Variants in DPP6 observed in about 807,000 individuals in gnomAD.
The protein encoded by DPP6 is A-type potassium channel modulatory protein DPP6.
Under a neutral mutation model 122.6 loss-of-function variants are expected in DPP6, and 69 were observed. The observed-to-expected ratio is 0.56, with a 90% CI of 0.46 to 0.69. The LOEUF (loss-of-function observed/expected upper bound fraction) is 0.69, where lower values mean the gene tolerates loss of function less well. Among genes scored for constraint, DPP6 ranks in the 30% least tolerant of loss-of-function variants. The probability of loss-of-function intolerance (pLI) is 0.00; values close to 1 mark genes in which losing one functional copy is unlikely to be tolerated. For missense variants in DPP6, 928 were observed against 1,116.9 expected, an observed-to-expected ratio of 0.83 and a Z score of 2.41; for synonymous variants, 418 against 433.1, an observed-to-expected ratio of 0.97 and a Z score of 0.43.
chr7:154,550,449 A>G (rs1829542332), intron 4 of DPP6, among the ~76,000 whole-genome samples: 1 of 152,228 alleles, frequency 6.6e-6, no homozygotes, highest in South Asian at 2.1e-4. Context: ...TATCTAGCAG[A>G]GACAAATATA....
intron 16 of DPP6, among the ~76,000 whole-genome samples, chr7:154,811,370 G>A (rs1350805968): frequency 1.3e-5 from 2 of 152,208 alleles, no homozygotes; most frequent in South Asian, 2.1e-4. Flanking sequence ...AGGCATTGGC[G>A]ATGATTGCCT....
chr7:153,942,282 C>T (rs1258058201), intron 1 of DPP6, among the ~76,000 whole-genome samples: 2 of 152,226 alleles, frequency 1.3e-5, no homozygotes, highest in Non-Finnish European at 2.9e-5. Flanking sequence ...TTTGCCTCTC[C>T]TCTCCTTGCG....
chr7:154,292,899 C>T (rs946350453), intron 1 of DPP6, among the ~76,000 whole-genome samples: 1 of 152,176 alleles, frequency 6.6e-6, no homozygotes, highest in South Asian at 2.1e-4. Flanking sequence ...TACCTTCTCT[C>T]TTTTAACACT....
chr7:153,871,609 C>T, the DPP6 span, among the ~76,000 whole-genome samples: 19 of 152,208 alleles, frequency 1.2e-4, no homozygotes, highest in Non-Finnish European at 2.8e-4. Flanking sequence ...CTGGGTGAGG[C>T]GATGCCTTGC....
chr7:154,407,437 T>G (rs1327748373), intron 1 of DPP6, among the ~76,000 whole-genome samples: 1 of 152,190 alleles, frequency 6.6e-6, no homozygotes. Flanking sequence ...AGCCACTGTC[T>G]CACCACAAGA....
Position 154,052,687 on chromosome 7 carries a change from T to TTGCTGCTGCTGC in DPP6, c.-124_-113dup. On this transcript the variant is annotated 5_prime_UTR_variant, in exon 1 of 26. Coordinates refer to ENST00000377770, the MANE Select transcript of DPP6 (RefSeq NM_130797.4). The surrounding 1 kb of genome is among the most constrained non-coding windows in gnomAD (Gnocchi z 4.8). ...AGCGGCCGCCGGCGCTGGGCTTGCC[T>TTGCTGCTGCTGC]TGCTGCTGCTGCTGCTGCTGCCTCC... 1 of 1,168,152 alleles carries TTGCTGCTGCTGC rather than the reference T, an allele frequency of 8.6e-7. No individual in the cohort carries two copies. Among genetic ancestry groups the TTGCTGCTGCTGC allele is most frequent in the South Asian group, 1.8e-5 (1 of 54,114 alleles). 72.4% of individuals were successfully genotyped at this position (1,168,152 alleles called of 1,614,324 possible).
chr7:154,393,469 T>A (rs1814803280), intron 1 of DPP6, among the ~76,000 whole-genome samples: 1 of 152,150 alleles, frequency 6.6e-6, no homozygotes, highest in African/African-American at 2.4e-5. Context: ...GTCTTCAGAC[T>A]TGTTTTTCTG....
chr7:154,026,314 A>G (rs1798953720), intron 1 of DPP6: 1 of 151,706 alleles, frequency 6.6e-6, no homozygotes, highest in Non-Finnish European at 1.5e-5. Flanking sequence ...TGCCCCATGT[A>G]CCTTTTATTT....
the DPP6 span, among the ~76,000 whole-genome samples, chr7:153,825,082 G>A: frequency 6.6e-6 from 1 of 152,076 alleles, no homozygotes; most frequent in Non-Finnish European, 1.5e-5. Context: ...GAAGCGTTGT[G>A]ACACCCCATC....
At chr7:154,620,542 A>G (rs1346744157) in intron 5 of DPP6, among the ~76,000 whole-genome samples, 5 of 152,252 alleles carry the variant, frequency 3.3e-5, no homozygotes, top group African/African-American at 1.2e-4. Flanking sequence ...TGGGAGGCTC[A>G]GAAATGATCT....
chr7:154,498,892 C>T (rs1421073899), intron 3 of DPP6, among the ~76,000 whole-genome samples: 2 of 152,112 alleles, frequency 1.3e-5, no homozygotes, highest in Non-Finnish European at 2.9e-5. Context: ...CAAAATCAGC[C>T]CTTGTTGAGA....
At chr7:154,814,915 C>T (rs1799317920) in intron 16 of DPP6, among the ~76,000 whole-genome samples, 3 of 152,170 alleles carry the variant, frequency 2.0e-5, no homozygotes, top group Non-Finnish European at 4.4e-5. Context: ...TGAGGACCCA[C>T]CTAATCCAGC....
At chr7:153,773,264 CGTGTGTGT>C in the DPP6 span, among the ~76,000 whole-genome samples, 3 of 132,458 alleles carry the variant, frequency 2.3e-5, no homozygotes, top group African/African-American at 8.3e-5. Context: ...TCTTTTCTTT[CGTGTGTGT>C]GTGTGTGTGT....
At chr7:154,858,926 G>A (rs1235964104) in intron 17 of DPP6, among the ~76,000 whole-genome samples, 1 of 152,148 alleles carries the variant, frequency 6.6e-6, no homozygotes, top group East Asian at 1.9e-4. Context: ...ACCCTATGAG[G>A]TTCAACAATT....
At chr7:154,250,655 G>C (rs1802296624) in intron 1 of DPP6, among the ~76,000 whole-genome samples, 1 of 152,130 alleles carries the variant, frequency 6.6e-6, no homozygotes, top group South Asian at 2.1e-4. Context: ...AAAATGTCTT[G>C]CCTGTTTCTA....
chr7:154,128,861 A>G (rs1486908185), intron 1 of DPP6, among the ~76,000 whole-genome samples: 1 of 149,758 alleles, frequency 6.7e-6, no homozygotes, highest in Non-Finnish European at 1.5e-5. Context: ...TAACTACAGA[A>G]TCATTCATGC....
intron 3 of DPP6, among the ~76,000 whole-genome samples, chr7:154,499,752 C>G (rs867797248): frequency 1.1e-4 from 16 of 152,018 alleles, no homozygotes; most frequent in Middle Eastern, 6.8e-3. Flanking sequence ...CACCCACCAA[C>G]CCCCCCAGAT....
In DPP6 at chr7:154,060,616, T is replaced by A. The variant is rs1322531851; in HGVS notation, c.243+7553T>A. Among the ~76,000 whole-genome samples the A allele has an allele frequency of 4.3e-5, 6 of 140,878 alleles. No homozygotes were observed. In the South Asian group the frequency reaches 7.2e-4, roughly 17 times the overall value. 92.4% of individuals were successfully genotyped at this position (140,878 alleles called of 152,430 possible). The stretch of plus-strand genomic sequence containing the variant: ...GCCAGTCCCTCTTCCCCCCCCTGGC[T>A]CTGAGGACCCCCATCGCAGGAGGGG... On this transcript the variant is annotated intron_variant, in intron 1 of 25. Transcript: ENST00000377770.
chr7:154,720,854 G>T (rs981176897), intron 7 of DPP6, among the ~76,000 whole-genome samples: 1 of 152,196 alleles, frequency 6.6e-6, no homozygotes, highest in Non-Finnish European at 1.5e-5. Flanking sequence ...AGGGTCTCCT[G>T]CCAGTGTGGG....
Sources: allele counts gnomAD v4.1 joint callset (sites outside exome capture counted in the v4.1 genomes callset), GRCh38; gene constraint gnomAD v4.1.1; non-coding constraint Gnocchi (gnomAD v3.1); transcripts MANE v1.5; gene names NCBI Gene and HGNC (gene_info 2026-07-23, HGNC 2026-07-21).